SPMIP3: variants seen among roughly 807,000 people sequenced by gnomAD.
SPMIP3 encodes the protein protein SPMIP3.
chr1:244,382,370 T>C, the SPMIP3 span, among the ~76,000 whole-genome samples: 1 of 152,078 alleles, frequency 6.6e-6, no homozygotes, highest in Non-Finnish European at 1.5e-5. Context: ...ATGAGTCATA[T>C]AAAGGGCATT....
At chr1:244,370,954 T>A in the SPMIP3 span, among the ~76,000 whole-genome samples, 1 of 152,086 alleles carries the variant, frequency 6.6e-6, no homozygotes, top group African/African-American at 2.4e-5. Context: ...ATCATTTCTG[T>A]AAAAATGCTC....
At chr1:244,382,978 G>A in the SPMIP3 span, among the ~76,000 whole-genome samples, 2 of 152,014 alleles carry the variant, frequency 1.3e-5, no homozygotes, top group Non-Finnish European at 2.9e-5. Flanking sequence ...AATTTAATAG[G>A]TTAGACCAGA....
At chr1:244,370,775 G>A in the SPMIP3 span, among the ~76,000 whole-genome samples, 26 of 152,250 alleles carry the variant, frequency 1.7e-4, no homozygotes, top group African/African-American at 5.3e-4. Context: ...GCAGAATAGC[G>A]ACATGGAGTT....
chr1:244,374,254 C>CGTTCACCCCACAGAAGT, the SPMIP3 span, among the ~76,000 whole-genome samples: 1 of 152,118 alleles, frequency 6.6e-6, no homozygotes, highest in Non-Finnish European at 1.5e-5. Context: ...CCTCTTCTTA[C>CGTTCACCCCACAGAAGT]GTTCACCCCA....
chr1:244,387,483 C>T, the SPMIP3 span, among the ~76,000 whole-genome samples: 1 of 134,404 alleles, frequency 7.4e-6, no homozygotes, highest in Admixed American at 8.0e-5. Flanking sequence ...TTAGGAACGG[C>T]AGTATCACCC....
At chr1:244,357,198 A>T in the SPMIP3 span, among the ~76,000 whole-genome samples, 1 of 131,720 alleles carries the variant, frequency 7.6e-6, no homozygotes, top group African/African-American at 2.7e-5. Context: ...CTGAGATGAC[A>T]GGCACGAGCC....
At chr1:244,381,081 C>A in the SPMIP3 span, among the ~76,000 whole-genome samples, 1 of 151,884 alleles carries the variant, frequency 6.6e-6, no homozygotes, top group Admixed American at 6.6e-5. Flanking sequence ...GGGTTGCCGT[C>A]CCAAGGAGCC....
chr1:244,353,334 C>T, the SPMIP3 span, among the ~76,000 whole-genome samples: 1 of 152,068 alleles, frequency 6.6e-6, no homozygotes, highest in African/African-American at 2.4e-5. Context: ...CACTTGAGCC[C>T]AGGAGTTTGA....
At chr1:244,386,003 A>AACACACAC in the SPMIP3 span, among the ~76,000 whole-genome samples, 1,004 of 145,744 alleles carry the variant, frequency 6.9e-3, 9 homozygotes, top group African/African-American at 0.023. Context: ...ATCTCTACAA[A>AACACACAC]ACACACACAC....
At chr1:244,354,070 A>G in the SPMIP3 span, among the ~76,000 whole-genome samples, 3 of 152,296 alleles carry the variant, frequency 2.0e-5, no homozygotes, top group East Asian at 5.8e-4. Flanking sequence ...GCATTATAAA[A>G]TGCATCCAGA....
At chr1:244,360,073 C>T in the SPMIP3 span, among the ~76,000 whole-genome samples, 3 of 152,052 alleles carry the variant, frequency 2.0e-5, no homozygotes, top group Non-Finnish European at 4.4e-5. Flanking sequence ...CGCACCACTG[C>T]ACTCCAGCCT....
At chr1:244,362,214 G>A in the SPMIP3 span, among the ~76,000 whole-genome samples, 2 of 152,154 alleles carry the variant, frequency 1.3e-5, no homozygotes, top group African/African-American at 4.8e-5. Flanking sequence ...AAGGGAAGAG[G>A]AGGAGACATC....
the SPMIP3 span, chr1:244,389,238 G>A: frequency 1.9e-6 from 1 of 532,296 alleles, no homozygotes; most frequent in South Asian, 2.2e-5. Context: ...CTTAGAACAG[G>A]GAATCAAGAT....
At chr1:244,389,164 T>A in the SPMIP3 span, 1 of 857,918 alleles carries the variant, frequency 1.2e-6, no homozygotes, top group Non-Finnish European at 1.9e-6. Flanking sequence ...TCAGTGTGTA[T>A]ACAGATGGCT....
At chr1:244,360,245 G>A in the SPMIP3 span, among the ~76,000 whole-genome samples, 2 of 152,092 alleles carry the variant, frequency 1.3e-5, no homozygotes, top group Non-Finnish European at 2.9e-5. Flanking sequence ...GTGGAGAAAG[G>A]GGAACCTTCA....
the SPMIP3 span, among the ~76,000 whole-genome samples, chr1:244,363,042 G>A: frequency 6.6e-6 from 1 of 150,624 alleles, no homozygotes; most frequent in South Asian, 2.1e-4. Flanking sequence ...CATAGAGTTG[G>A]GGTCTCACCA....
At chr1:244,388,540 A>G in the SPMIP3 span, among the ~76,000 whole-genome samples, 1 of 152,154 alleles carries the variant, frequency 6.6e-6, no homozygotes, top group Admixed American at 6.5e-5. Flanking sequence ...GAACTTTTCT[A>G]ATCCAAAGGT....
the SPMIP3 span, among the ~76,000 whole-genome samples, chr1:244,377,346 G>C: frequency 6.6e-6 from 1 of 150,732 alleles, no homozygotes; most frequent in Admixed American, 6.6e-5. Flanking sequence ...GGATGGTCTC[G>C]ATCTGACTTC....
chr1:244,361,987 C>G, the SPMIP3 span, among the ~76,000 whole-genome samples: 1 of 152,184 alleles, frequency 6.6e-6, no homozygotes. Context: ...TTTTCTCTCT[C>G]ATTGTTTCTT....
Sources: allele counts gnomAD v4.1 joint callset (sites outside exome capture counted in the v4.1 genomes callset), GRCh38; gene constraint gnomAD v4.1.1; transcripts MANE v1.5; gene names NCBI Gene and HGNC (gene_info 2026-07-23, HGNC 2026-07-21).